Variants in NNMT observed in about 807,000 individuals in gnomAD.
NNMT encodes nicotinamide N-methyltransferase.
Under a neutral mutation model 11.7 loss-of-function variants are expected in NNMT, and 10 were observed. The observed-to-expected ratio is 0.85, with a 90% confidence interval of 0.53 to 1.45. The LOEUF (loss-of-function observed/expected upper bound fraction) is 1.45. NNMT is among the 40% of genes most tolerant of loss of function. The probability of loss-of-function intolerance (pLI) is 0.00; values close to 1 mark genes in which losing one functional copy is unlikely to be tolerated. For missense variants in NNMT, 381 were observed against 319.4 expected, an observed-to-expected ratio of 1.19 and a Z score of -1.47; for synonymous variants, 143 against 133.8, an observed-to-expected ratio of 1.07 and a Z score of -0.48.
chr11:114,308,846 C>G lies in NNMT; in HGVS notation c.363-3199C>G, dbSNP rs79007431. Among the ~76,000 whole-genome samples the G allele has an allele frequency of 4.0e-3, 612 of 152,260 alleles. 6 individuals carry two copies. The highest frequency in any genetic ancestry group is 0.014 in the African/African-American group (597 of 41,548). On this transcript the variant is annotated intron_variant, in intron 2 of 2. Coordinates refer to ENST00000299964, the MANE Select transcript of NNMT (RefSeq NM_006169.3). The stretch of plus-strand genomic sequence containing the variant: ...TGTTTGCTGTGTGTCCAAGGACAAG[C>G]AGGGATCTATGACACTGGGTGTTTC...
At chr11:114,290,247 T>C (rs941752134) in intron 2 of NNMT, among the ~76,000 whole-genome samples, 2 of 152,238 alleles carry the variant, frequency 1.3e-5, no homozygotes, top group African/African-American at 4.8e-5. Context: ...GTAATACATA[T>C]TTTAACTGAT....
intron 2 of NNMT, among the ~76,000 whole-genome samples, chr11:114,308,483 T>C (rs1945513010): frequency 6.6e-6 from 1 of 152,168 alleles, no homozygotes; most frequent in Admixed American, 6.5e-5. Flanking sequence ...AAAGGGTTCT[T>C]CCCGGGGCCC....
chr11:114,311,862 G>A lies in NNMT; in HGVS notation c.363-183G>A, dbSNP rs1353805215. Among the ~76,000 whole-genome samples the A allele has an allele frequency of 2.0e-5, 3 of 152,090 alleles. No homozygotes were observed. In the East Asian group the frequency reaches 5.8e-4, roughly 29 times the overall value. On this transcript the variant is annotated intron_variant, in intron 2 of 2. Transcript: ENST00000299964. ...TATGAAGAGATTTAACATAGCTCAG[G>A]GTAATATGGTCTCATTCAAATGCCA...
At chr11:114,259,791 G>A (rs60719236) in intron 1 of NNMT, among the ~76,000 whole-genome samples, 2,574 of 152,306 alleles carry the variant, frequency 0.017, 65 homozygotes, top group African/African-American at 0.058. Context: ...TGTACACTAA[G>A]CTTAAGCCCT....
intron 2 of NNMT, among the ~76,000 whole-genome samples, chr11:114,265,853 A>C (rs1023621698): frequency 1.3e-5 from 2 of 152,052 alleles, no homozygotes; most frequent in Non-Finnish European, 2.9e-5. Flanking sequence ...TATTATTATT[A>C]TTCTGCACCG....
At position 114,312,384 on chromosome 11, in the gene NNMT, G is replaced by A. The variant is rs1352444587; in HGVS notation, c.702G>A (p.Trp234Ter). The part of the protein sequence containing the change: ...AVKEAGYTIE[W>*]FEVISQSYSS... Reference sequence around the variant, plus strand: ...AAGAGGCTGGCTACACAATCGAATGGTTTGAGGTGATCTCGCAAAGTTATT... The same window carrying A: ...AAGAGGCTGGCTACACAATCGAATGATTTGAGGTGATCTCGCAAAGTTATT... The change falls in exon 3 of 3, where the codon TGG becomes TGA. Residue 234 changes from tryptophan to a stop codon, truncating the protein, a stop_gained. Coordinates refer to ENST00000299964, the MANE Select transcript of NNMT (RefSeq NM_006169.3). LOFTEE classifies it low-confidence loss of function (END_TRUNC). 1.2e-6 allele frequency: 2 copies of A among 1,614,252 alleles called. No homozygotes were observed. The highest frequency in any genetic ancestry group is 1.7e-6 in the Non-Finnish European group (2 of 1,180,040).
chr11:114,301,859 T>C (rs1945442194), intron 2 of NNMT, among the ~76,000 whole-genome samples: 1 of 151,898 alleles, frequency 6.6e-6, no homozygotes, highest in Non-Finnish European at 1.5e-5. Flanking sequence ...TTTTAAAAAA[T>C]GACAGCTTTT....
At chr11:114,274,200 T>G (rs1172175265) in intron 2 of NNMT, among the ~76,000 whole-genome samples, 1 of 152,208 alleles carries the variant, frequency 6.6e-6, no homozygotes. Context: ...CTAAGAAGTC[T>G]AGAGAAAGTA....
intron 2 of NNMT, among the ~76,000 whole-genome samples, chr11:114,284,319 C>G (rs987903170): frequency 6.6e-6 from 1 of 152,234 alleles, no homozygotes; most frequent in Non-Finnish European, 1.5e-5. Context: ...AATTTACAAA[C>G]TGTATAGGAG....
intron 1 of NNMT, among the ~76,000 whole-genome samples, chr11:114,261,514 A>T (rs1945080498): frequency 6.6e-6 from 1 of 152,052 alleles, no homozygotes; most frequent in African/African-American, 2.4e-5. Context: ...AACCCGGGAG[A>T]TGGAGGTTGC....
intron 2 of NNMT, among the ~76,000 whole-genome samples, chr11:114,271,515 G>T (rs890947642): frequency 3.9e-5 from 6 of 152,222 alleles, no homozygotes; most frequent in Admixed American, 3.9e-4. Context: ...CCCACTACAT[G>T]TGTGGCTCCA....
chr11:114,304,724 C>T (rs1945472986), intron 2 of NNMT, among the ~76,000 whole-genome samples: 1 of 152,156 alleles, frequency 6.6e-6, no homozygotes, highest in South Asian at 2.1e-4. Context: ...CACCCGTATT[C>T]CCAGCTACTG....
At position 114,259,351 on chromosome 11, in the gene NNMT, G is replaced by C. The variant is rs531195145; in HGVS notation, c.-217+1473G>C. On this transcript the variant is annotated intron_variant, in intron 1 of 4. Transcript: ENST00000535401. The stretch of plus-strand genomic sequence containing the variant: ...TACACACACGCAGAGGCCCAGTGGG[G>C]GGGGGGGAGCTCCTGCATCCCCACA... 1.1e-3 allele frequency among the ~76,000 whole-genome samples: 164 copies of C among 150,382 alleles called. 4 individuals are homozygous for C. In the Middle Eastern group the frequency reaches 0.014, roughly 13 times the overall value.
chr11:114,287,799 T>A (rs1293499742), intron 2 of NNMT, among the ~76,000 whole-genome samples: 1 of 152,208 alleles, frequency 6.6e-6, no homozygotes, highest in African/African-American at 2.4e-5. Context: ...TAATTGGGAT[T>A]TTACTGAGTC....
intron 2 of NNMT, among the ~76,000 whole-genome samples, chr11:114,273,281 T>A (rs926942315): frequency 6.6e-6 from 1 of 152,194 alleles, no homozygotes; most frequent in African/African-American, 2.4e-5. Context: ...GAGAGGCGCT[T>A]CTTGCTGAAC....
At chr11:114,267,306 T>C (rs999879135) in intron 2 of NNMT, among the ~76,000 whole-genome samples, 34 of 152,144 alleles carry the variant, frequency 2.2e-4, no homozygotes, top group African/African-American at 8.0e-4. Flanking sequence ...AAGTTTGTTT[T>C]TCCTAGCATT....
intron 2 of NNMT, among the ~76,000 whole-genome samples, chr11:114,273,368 T>A (rs1487543234): frequency 6.6e-6 from 1 of 152,180 alleles, no homozygotes; most frequent in African/African-American, 2.4e-5. Context: ...CTTGTTCATT[T>A]TGGAAGCCCC....
chr11:114,310,837 C>T (rs1236230292), intron 2 of NNMT, among the ~76,000 whole-genome samples: 2 of 152,238 alleles, frequency 1.3e-5, no homozygotes, highest in African/African-American at 4.8e-5. Context: ...TGATCTTCTG[C>T]TACTTCTTTC....
intron 2 of NNMT, among the ~76,000 whole-genome samples, chr11:114,273,326 A>G (rs1319549982): frequency 6.6e-6 from 1 of 152,192 alleles, no homozygotes; most frequent in Non-Finnish European, 1.5e-5. Flanking sequence ...GAGGAATTAT[A>G]ACAGATTCAG....
Sources: allele counts gnomAD v4.1 joint callset (sites outside exome capture counted in the v4.1 genomes callset), GRCh38; gene constraint gnomAD v4.1.1; transcripts MANE v1.5; gene names NCBI Gene and HGNC (gene_info 2026-07-23, HGNC 2026-07-21).